The following SLC35D1 variants were observed in gnomAD, a reference collection of about 807,000 sequenced individuals.
The protein encoded by SLC35D1 is solute carrier family 35 member D1.
A neutral mutation model predicts 46.7 loss-of-function variants in SLC35D1; 31 were observed. The observed-to-expected ratio is 0.66, with a 90% CI of 0.50 to 0.90. The LOEUF is 0.90. Ranked by LOEUF, SLC35D1 falls within the 40% of genes least tolerant of loss-of-function variation. The pLI is 0.00. For missense variants in SLC35D1, 397 were observed against 426.2 expected, an observed-to-expected ratio of 0.93 and a Z score of 0.60; for synonymous variants, 195 against 164.6, an observed-to-expected ratio of 1.18 and a Z score of -1.41.
intron 8 of SLC35D1, among the ~76,000 whole-genome samples, chr1:67,037,110 T>C (rs1238607218): frequency 6.6e-6 from 1 of 152,144 alleles, no homozygotes; most frequent in Non-Finnish European, 1.5e-5. Context: ...ACTTTTTAAC[T>C]TTCTATTGTT....
chr1:67,022,896 G>A (rs954096000), intron 8 of SLC35D1, among the ~76,000 whole-genome samples: 3 of 151,984 alleles, frequency 2.0e-5, no homozygotes, highest in African/African-American at 7.3e-5. Flanking sequence ...CTATAACTTC[G>A]CTGTTCAACA....
chr1:66,981,705 C>G, the SLC35D1 span: 15 of 1,183,716 alleles, frequency 1.3e-5, no homozygotes, highest in Non-Finnish European at 1.7e-5. Context: ...TTAAGAAAGC[C>G]TTCTGAATTT....
rs1216307190 is a variant in SLC35D1 at position 66,999,864 on chromosome 1, C to CAG, written c.*4474_*4475dup. On this transcript the variant is annotated 3_prime_UTR_variant, in exon 12 of 12. Coordinates refer to ENST00000235345, the MANE Select transcript of SLC35D1 (RefSeq NM_015139.3). ...AGCATGGGGTCAAGTGCTTTCAATT[C>CAG]AGAGAGGGGAAAAGGAACGCTGGCC... 6.6e-6 allele frequency: 1 copy of CAG among 152,120 alleles called. No homozygotes were observed. The highest frequency in any genetic ancestry group is 1.5e-5 in the Non-Finnish European group (1 of 68,044). 9.4% of individuals were successfully genotyped at this position (152,120 alleles called of 1,614,324 possible).
At chr1:67,053,363 G>T (rs1421880061) in intron 1 of SLC35D1, among the ~76,000 whole-genome samples, 1 of 152,044 alleles carries the variant, frequency 6.6e-6, no homozygotes, top group East Asian at 1.9e-4. Flanking sequence ...CTGCTGGGTT[G>T]AGGATGCGTA....
rs967705755 is a variant in SLC35D1 at position 67,002,223 on chromosome 1, T to G, written c.*2117A>C. 6.6e-6 allele frequency: 1 copy of G among 152,332 alleles called. No homozygotes were observed. Among genetic ancestry groups the G allele is most frequent in the African/African-American group, 2.4e-5 (1 of 41,456 alleles). 9.4% of individuals were successfully genotyped at this position (152,332 alleles called of 1,614,324 possible). On this transcript the variant is annotated 3_prime_UTR_variant, in exon 12 of 12. Transcript: ENST00000235345. Reference sequence around the variant, plus strand: ...GGCAACATTTACAGCCAGAAGTGCATTATCAACTAAAGTCAGCCTGGAAGT... The same window carrying G: ...GGCAACATTTACAGCCAGAAGTGCAGTATCAACTAAAGTCAGCCTGGAAGT...
At chr1:66,991,101 C>CT in the SLC35D1 span, among the ~76,000 whole-genome samples, 1 of 152,178 alleles carries the variant, frequency 6.6e-6, no homozygotes, top group Non-Finnish European at 1.5e-5. Flanking sequence ...TCACTTCCAT[C>CT]TGAGTAGTAG....
Position 67,009,073 on chromosome 1 carries a change from A to AT in SLC35D1, c.959+11dup. The AT allele has an allele frequency of 7.5e-7, 1 of 1,328,168 alleles. No homozygotes were observed. The highest frequency in any genetic ancestry group is 1.1e-6 in the Non-Finnish European group (1 of 924,558). The allele number at this position is 1,328,168 out of a possible 1,614,324, so 82.3% of individuals were successfully genotyped here. A position where few individuals can be genotyped will look rare whatever the true frequency, so the allele number is the denominator to read the frequency against. On this transcript the variant is annotated intron_variant, in intron 11 of 11. Coordinates refer to ENST00000235345, the MANE Select transcript of SLC35D1 (RefSeq NM_015139.3). ...TTCCGATTTTGCAATTTAATTAAAT[A>AT]TTTTTACTTACCTGATATTTAAACC...
chr1:67,022,975 T>G (rs1667842960), intron 8 of SLC35D1, among the ~76,000 whole-genome samples: 1 of 152,192 alleles, frequency 6.6e-6, no homozygotes. Flanking sequence ...GGCATTATGC[T>G]CCTAGGACTC....
chr1:67,000,207 G>C lies in SLC35D1; in HGVS notation c.*4133C>G, dbSNP rs1667305488. On this transcript the variant is annotated 3_prime_UTR_variant, in exon 12 of 12. Transcript: ENST00000235345. The stretch of plus-strand genomic sequence containing the variant: ...AAGGCAGGAGGATCACTTGAGCCTA[G>C]GAGTTTGAGACTGTGGTGAGCTGCT... 2 of 151,558 alleles carry C rather than the reference G, an allele frequency of 1.3e-5. No individual in the cohort carries two copies. Among genetic ancestry groups the C allele is most frequent in the African/African-American group, 4.8e-5 (2 of 41,274 alleles). 9.4% of individuals were successfully genotyped at this position (151,558 alleles called of 1,614,324 possible). A position where few individuals can be genotyped will look rare whatever the true frequency, so the allele number is the denominator to read the frequency against.
intron 6 of SLC35D1, among the ~76,000 whole-genome samples, chr1:67,048,445 C>T (rs1163967815): frequency 6.6e-6 from 1 of 152,126 alleles, no homozygotes; most frequent in African/African-American, 2.4e-5. Context: ...AATTTTTCTC[C>T]AAGGGGGGAA....
chr1:66,990,959 AT>A, the SLC35D1 span, among the ~76,000 whole-genome samples: 3 of 152,124 alleles, frequency 2.0e-5, no homozygotes, highest in Non-Finnish European at 4.4e-5. Context: ...ATATTAGCAT[AT>A]AGGTTATAGC....
chr1:66,984,986 T>A, the SLC35D1 span: 16 of 1,460,738 alleles, frequency 1.1e-5, no homozygotes, highest in Non-Finnish European at 1.4e-5. Context: ...AAAAGTTGAT[T>A]TCCTTGAAGC....
chr1:66,998,035 G>A (rs563667367), downstream of SLC35D1, among the ~76,000 whole-genome samples: 38 of 152,024 alleles, frequency 2.5e-4, no homozygotes, highest in African/African-American at 8.4e-4. Context: ...AAAATAACAA[G>A]TGTTGGTGAG....
At chr1:66,973,833 T>C in the SLC35D1 span, among the ~76,000 whole-genome samples, 969 of 152,210 alleles carry the variant, frequency 6.4e-3, 9 homozygotes, top group African/African-American at 0.022. Flanking sequence ...GGGTATTGGT[T>C]TATGTAATTC....
chr1:67,044,709 A>G (rs1484017290), intron 7 of SLC35D1, among the ~76,000 whole-genome samples: 1 of 152,236 alleles, frequency 6.6e-6, no homozygotes, highest in Non-Finnish European at 1.5e-5. Context: ...AAAGTTAAAA[A>G]GTTTTAAATT....
chr1:67,039,493 TTGTGTGTGTGTGTG>T (rs71801070), intron 8 of SLC35D1, among the ~76,000 whole-genome samples: 3 of 148,666 alleles, frequency 2.0e-5, no homozygotes, highest in African/African-American at 7.4e-5. Flanking sequence ...AGTGAAAAAA[TTGTGTGTGTGTGTG>T]TGTGTGTGTG....
the SLC35D1 span, among the ~76,000 whole-genome samples, chr1:66,973,755 A>T: frequency 1.3e-5 from 2 of 152,156 alleles, no homozygotes; most frequent in Non-Finnish European, 2.9e-5. Flanking sequence ...AGTCTTGGAG[A>T]TTAAATGTAG....
chr1:67,035,787 T>C (rs895550090), intron 8 of SLC35D1, among the ~76,000 whole-genome samples: 1 of 147,866 alleles, frequency 6.8e-6, no homozygotes, highest in Non-Finnish European at 1.5e-5. Flanking sequence ...ATCATTAGGT[T>C]GTTTATTTGA....
chr1:66,982,205 G>A, the SLC35D1 span, among the ~76,000 whole-genome samples: 4 of 152,092 alleles, frequency 2.6e-5, no homozygotes, highest in African/African-American at 9.7e-5. Context: ...GTCTAGTTGG[G>A]TTGATGCCTA....
Sources: allele counts gnomAD v4.1 joint callset (sites outside exome capture counted in the v4.1 genomes callset), GRCh38; gene constraint gnomAD v4.1.1; transcripts MANE v1.5; gene names NCBI Gene and HGNC (gene_info 2026-07-23, HGNC 2026-07-21).